The following POLN variants were observed in gnomAD, a reference collection of about 807,000 sequenced individuals.
POLN encodes the protein DNA polymerase nu.
In POLN, 108 loss-of-function variants were observed where a neutral mutation model predicts 113.5. The ratio of observed to expected loss-of-function variants is 0.95; its 90% confidence interval spans 0.81 to 1.12. The LOEUF is 1.12. Ranked by LOEUF, POLN falls within the 50% of genes most tolerant of loss-of-function variation. The pLI, the probability that POLN is intolerant of heterozygous loss-of-function variation, is 0.00. For synonymous variants in POLN, 386 were observed against 391.5 expected, an observed-to-expected ratio of 0.99 and a Z score of 0.17; for missense variants, 1,097 against 1,077.1, an observed-to-expected ratio of 1.02 and a Z score of -0.26.
intron 5 of POLN, 62 bp downstream of exon 5, chr4:2,207,925 T>C: frequency 6.6e-7 from 1 of 1,504,126 alleles, no homozygotes; most frequent in Non-Finnish European, 8.8e-7. Context: ...AATCTGACAC[T>C]AAGAAAATGG....
At chr4:2,239,533 A>T (rs1734894499) in intron 2 of POLN, among the ~76,000 whole-genome samples, 1 of 152,210 alleles carries the variant, frequency 6.6e-6, no homozygotes, top group Non-Finnish European at 1.5e-5. Flanking sequence ...AGTATCTAGC[A>T]GTTATATTAC....
chr4:2,111,900 G>T (rs1435873733), intron 19 of POLN, among the ~76,000 whole-genome samples: 3 of 152,070 alleles, frequency 2.0e-5, no homozygotes, highest in Non-Finnish European at 4.4e-5. Flanking sequence ...AAGTCCATAT[G>T]GAACCAAAAT....
At chr4:2,219,181 T>C (rs1465832245) in intron 3 of POLN, among the ~76,000 whole-genome samples, 1 of 152,182 alleles carries the variant, frequency 6.6e-6, no homozygotes, top group African/African-American at 2.4e-5. Context: ...CCTCCCATTA[T>C]AGTGTAATCT....
At chr4:2,165,029 A>C (rs1732695910) in intron 13 of POLN, among the ~76,000 whole-genome samples, 4 of 152,032 alleles carry the variant, frequency 2.6e-5, no homozygotes, top group Admixed American at 2.0e-4. Flanking sequence ...GGTTTCTTAC[A>C]AAACTAAATG....
rs1735001275 is a variant in POLN, at chr4:2,241,851, G to A, written c.-283-61C>T. Reference sequence around the variant, plus strand: ...GTCGACACCGAGCTGCAGAAGACGGGGGTGACAGGCCCCGCACAGCCCCCG... The same window carrying A: ...GTCGACACCGAGCTGCAGAAGACGGAGGTGACAGGCCCCGCACAGCCCCCG... On this transcript the variant is annotated intron_variant, in intron 1 of 25. Transcript: ENST00000511885. 6 of 985,414 alleles carry A rather than the reference G, an allele frequency of 6.1e-6. No homozygotes were observed. In the South Asian group the frequency reaches 2.8e-4, roughly 46 times the overall value. 61.0% of individuals were successfully genotyped at this position (985,414 alleles called of 1,614,324 possible). A position where few individuals can be genotyped will look rare whatever the true frequency, so the allele number is the denominator to read the frequency against.
chr4:2,228,044 TAA>T (rs150849721), intron 3 of POLN: 3,085 of 152,704 alleles, frequency 0.02, 54 homozygotes, highest in Non-Finnish European at 0.03. Context: ...ATCAAAACGT[TAA>T]GTGCAAATGT....
chr4:2,226,447 G>A (rs545888554), intron 3 of POLN, among the ~76,000 whole-genome samples: 2 of 152,348 alleles, frequency 1.3e-5, no homozygotes, highest in South Asian at 4.1e-4. Flanking sequence ...ATAATTAATG[G>A]TTACATTTCA....
chr4:2,207,957 C>G (rs753157718), intron 5 of POLN, 30 bp downstream of exon 5: 1 of 1,550,844 alleles, frequency 6.4e-7, no homozygotes, highest in South Asian at 1.3e-5. Context: ...GGTGTCAAGA[C>G]AGCAAATAAA....
chr4:2,222,957 T>C (rs1358893025), intron 3 of POLN, among the ~76,000 whole-genome samples: 1 of 152,144 alleles, frequency 6.6e-6, no homozygotes, highest in African/African-American at 2.4e-5. Context: ...AAATCACATG[T>C]CTACTTTCTC....
chr4:2,228,764 C>A, intron 3 of POLN: 1 of 212,706 alleles, frequency 4.7e-6, no homozygotes, highest in Admixed American at 5.6e-5. Flanking sequence ...TCTTGTTCAC[C>A]ACACAAAATA....
At chr4:2,167,342 A>T (rs1453808744) in intron 13 of POLN, among the ~76,000 whole-genome samples, 2 of 152,148 alleles carry the variant, frequency 1.3e-5, no homozygotes, top group African/African-American at 4.8e-5. Context: ...TCACTGCAGA[A>T]AAAAAACACC....
intron 20 of POLN, among the ~76,000 whole-genome samples, chr4:2,087,725 G>A (rs956202773): frequency 2.0e-5 from 3 of 152,062 alleles, no homozygotes; most frequent in Non-Finnish European, 2.9e-5. Flanking sequence ...TCTTGAGTAT[G>A]GTTAAGCTAT....
intron 21 of POLN, among the ~76,000 whole-genome samples, chr4:2,083,519 C>G (rs1730479608): frequency 6.6e-6 from 1 of 152,244 alleles, no homozygotes; most frequent in Non-Finnish European, 1.5e-5. Context: ...CCCTTGTGGC[C>G]TAAGGCAGAA....
intron 3 of POLN, among the ~76,000 whole-genome samples, chr4:2,221,293 C>T (rs6826698): frequency 0.083 from 12,572 of 152,136 alleles, 777 homozygotes; most frequent in African/African-American, 0.16. Context: ...TGCCATCATG[C>T]CCCACTAATT....
At chr4:2,115,042 T>G (rs1731282850) in intron 19 of POLN, among the ~76,000 whole-genome samples, 1 of 150,822 alleles carries the variant, frequency 6.6e-6, no homozygotes, top group Non-Finnish European at 1.5e-5. Flanking sequence ...ATCTAATGGG[T>G]TCTTTAGTTT....
At chr4:2,193,510 G>C (rs190702178) in intron 6 of POLN, among the ~76,000 whole-genome samples, 194 bp from the exon 7 acceptor site, 14 of 152,204 alleles carry the variant, frequency 9.2e-5, no homozygotes, top group African/African-American at 3.4e-4. Flanking sequence ...AGAGAGACGA[G>C]ATAAGGTACC....
chr4:2,217,031 C>T (rs1734128755), intron 3 of POLN, among the ~76,000 whole-genome samples: 1 of 152,160 alleles, frequency 6.6e-6, no homozygotes. Context: ...TTTGGTGTGT[C>T]CCCATGGTGA....
intron 9 of POLN, 42 bp downstream of exon 9, chr4:2,176,222 CTT>C: frequency 1.3e-6 from 2 of 1,508,046 alleles, no homozygotes; most frequent in South Asian, 2.3e-5. Flanking sequence ...AAAGACATCT[CTT>C]GTGAGCCTCT....
chr4:2,240,289 T>A (rs765532207), intron 2 of POLN: 1 of 1,612,664 alleles, frequency 6.2e-7, no homozygotes, highest in Non-Finnish European at 8.5e-7. Flanking sequence ...AAGAACTGTT[T>A]TTTGGTATAC....
Sources: gnomAD v4.1 joint callset for allele counts (sites outside exome capture counted in the v4.1 genomes callset) on GRCh38, gnomAD v4.1.1 for gene constraint, MANE v1.5 for transcripts, NCBI Gene and HGNC (gene_info 2026-07-23, HGNC 2026-07-21) for gene names.